PPP1R9A: variants seen among roughly 807,000 people sequenced by gnomAD.
PPP1R9A encodes the protein protein phosphatase 1 regulatory subunit 9A.
Under a neutral mutation model 141.9 loss-of-function variants are expected in PPP1R9A, and 59 were observed. That is an observed-to-expected ratio of 0.42 (90% confidence interval 0.34 to 0.52). The LOEUF (loss-of-function observed/expected upper bound fraction) is 0.52. PPP1R9A is among the 20% of genes least tolerant of loss of function. The probability of loss-of-function intolerance (pLI) is 0.10; values close to 1 mark genes in which losing one functional copy is unlikely to be tolerated. For missense variants in PPP1R9A, 1,444 were observed against 1,611.9 expected (o/e 0.90, Z 1.78); for synonymous variants, 500 against 569.7 (o/e 0.88, Z 1.74).
chr7:95,284,374 G>T, intron 17 of PPP1R9A, 44 bp downstream of exon 17: 1 of 1,367,120 alleles, frequency 7.3e-7, no homozygotes, highest in Non-Finnish European at 9.7e-7. Context: ...TCTTATGTGG[G>T]GAAAAGAAAG....
Position 95,250,040 on chromosome 7 carries a change from A to G in PPP1R9A, c.2181A>G (p.Glu727=), listed in dbSNP as rs781667683. 1.2e-6 allele frequency: 2 copies of G among 1,604,560 alleles called. No individual in the cohort carries two copies. The highest frequency in any genetic ancestry group is 2.3e-5 in the South Asian group (2 of 88,402). Residue 727 remains glutamate, a synonymous_variant, in exon 10 of 20, where the codon GAA becomes GAG. Transcript: ENST00000433360. ...QKLKTKLQAA[E]NEKVRWELEK... ...GCTTTCTCCAGCTGCAGGCAGCAGA[A>G]AATGAGAAAGTGAGGTGGGAACTAG... is the stretch of plus-strand genomic sequence containing the variant.
At chr7:94,972,555 C>A (rs1476529316) in intron 2 of PPP1R9A, among the ~76,000 whole-genome samples, 1 of 152,024 alleles carries the variant, frequency 6.6e-6, no homozygotes, top group Non-Finnish European at 1.5e-5. Context: ...AAGCATTATC[C>A]CGTGAATAAT....
At chr7:95,229,500 C>T in intron 8 of PPP1R9A, among the ~76,000 whole-genome samples, 1 of 151,862 alleles carries the variant, frequency 6.6e-6, no homozygotes. Context: ...TTCCGGCTTT[C>T]CCCCACTTCC....
At chr7:94,975,751 A>G (rs1799378059) in intron 2 of PPP1R9A, among the ~76,000 whole-genome samples, 1 of 152,124 alleles carries the variant, frequency 6.6e-6, no homozygotes, top group Non-Finnish European at 1.5e-5. Context: ...TATATCCCAA[A>G]TCAGTTTGAA....
intron 2 of PPP1R9A, among the ~76,000 whole-genome samples, chr7:95,046,786 A>G (rs2151954336): frequency 6.6e-6 from 1 of 152,328 alleles, no homozygotes; most frequent in East Asian, 1.9e-4. Context: ...TGATTAAATT[A>G]GACCAGTAAT....
At chr7:95,272,475 C>T (rs979106582) in intron 14 of PPP1R9A, among the ~76,000 whole-genome samples, 16 of 152,118 alleles carry the variant, frequency 1.1e-4, no homozygotes, top group African/African-American at 3.9e-4. Context: ...TGCAAATATG[C>T]ATAATAAATA....
intron 2 of PPP1R9A, among the ~76,000 whole-genome samples, chr7:95,047,700 T>C (rs1049972371): frequency 7.2e-5 from 11 of 152,194 alleles, no homozygotes; most frequent in Non-Finnish European, 1.3e-4. Context: ...GCAATAACTT[T>C]TGCCAGTTAT....
chr7:94,945,938 TAA>T (rs1422632432), intron 2 of PPP1R9A, among the ~76,000 whole-genome samples: 1 of 152,090 alleles, frequency 6.6e-6, no homozygotes, highest in Non-Finnish European at 1.5e-5. Context: ...TTCAGATAAC[TAA>T]TATGCTAAAA....
At chr7:94,914,636 C>T (rs930568110) in intron 2 of PPP1R9A, among the ~76,000 whole-genome samples, 25 of 152,092 alleles carry the variant, frequency 1.6e-4, no homozygotes, top group African/African-American at 5.8e-4. Flanking sequence ...CATGCTAATT[C>T]GAGATGGAAT....
chr7:94,944,735 A>C (rs1365178410), intron 2 of PPP1R9A, among the ~76,000 whole-genome samples: 2 of 152,084 alleles, frequency 1.3e-5, no homozygotes, highest in African/African-American at 4.8e-5. Context: ...AAAATAGTAG[A>C]TGCCTGGATT....
At chr7:95,247,040 A>G (rs1798215898) in intron 8 of PPP1R9A, among the ~76,000 whole-genome samples, 1 of 152,182 alleles carries the variant, frequency 6.6e-6, no homozygotes, top group African/African-American at 2.4e-5. Flanking sequence ...TCACAGGACC[A>G]TAGCGCCACC....
At chr7:95,247,081 C>A (rs17166722) in intron 8 of PPP1R9A, among the ~76,000 whole-genome samples, 3 of 152,174 alleles carry the variant, frequency 2.0e-5, no homozygotes, top group Admixed American at 6.5e-5. Flanking sequence ...AATCTTCACA[C>A]GTCCAGGTTT....
intron 2 of PPP1R9A, among the ~76,000 whole-genome samples, chr7:94,970,867 T>A (rs899889010): frequency 6.6e-6 from 1 of 151,978 alleles, no homozygotes; most frequent in African/African-American, 2.4e-5. Context: ...TGGAAATGGG[T>A]TTTCTAACCA....
At chr7:95,025,126 G>A (rs375736321) in intron 2 of PPP1R9A, among the ~76,000 whole-genome samples, 1 of 151,974 alleles carries the variant, frequency 6.6e-6, no homozygotes, top group Non-Finnish European at 1.5e-5. Context: ...GAGTGCAATG[G>A]CATGATCTCA....
At chr7:95,207,153 G>A (rs1482575058) in intron 7 of PPP1R9A, among the ~76,000 whole-genome samples, 2 of 151,650 alleles carry the variant, frequency 1.3e-5, no homozygotes, top group East Asian at 1.9e-4. Context: ...CGGTTTCAAG[G>A]TACAAAGTTC....
intron 2 of PPP1R9A, among the ~76,000 whole-genome samples, chr7:95,069,789 C>A (rs546959344): frequency 2.6e-5 from 4 of 152,018 alleles, no homozygotes; most frequent in Non-Finnish European, 5.9e-5. Flanking sequence ...AGAGACCAAG[C>A]GAAGAGACAG....
chr7:95,080,939 T>C (rs1294549233), intron 2 of PPP1R9A, among the ~76,000 whole-genome samples: 1 of 152,218 alleles, frequency 6.6e-6, no homozygotes, highest in Non-Finnish European at 1.5e-5. Flanking sequence ...TTTTTCCATA[T>C]GGGGTAAGAT....
intron 2 of PPP1R9A, among the ~76,000 whole-genome samples, chr7:94,982,645 A>G (rs541080316): frequency 7.9e-5 from 12 of 152,236 alleles, no homozygotes; most frequent in African/African-American, 2.6e-4. Flanking sequence ...GTCTGTTCAT[A>G]TCCTTTGCCC....
At chr7:95,181,213 T>A (rs184708624) in intron 5 of PPP1R9A, among the ~76,000 whole-genome samples, 1 of 144,284 alleles carries the variant, frequency 6.9e-6, no homozygotes, top group Admixed American at 7.2e-5. Flanking sequence ...ATAGAATATA[T>A]AGAGAAAATA....
Sources: allele counts gnomAD v4.1 joint callset (sites outside exome capture counted in the v4.1 genomes callset), GRCh38; gene constraint gnomAD v4.1.1; transcripts MANE v1.5; gene names NCBI Gene and HGNC (gene_info 2026-07-23, HGNC 2026-07-21).